EEF1AKMT2: variants seen among roughly 807,000 people sequenced by gnomAD.
The protein encoded by EEF1AKMT2 is eukaryotic translation elongation factor 1 alpha lysine methyltransferase 2.
Under a neutral mutation model 35.8 loss-of-function variants are expected in EEF1AKMT2, and 32 were observed. That is an observed-to-expected ratio of 0.89 (90% CI 0.67 to 1.20). EEF1AKMT2 has a LOEUF of 1.20. Among genes scored for constraint, EEF1AKMT2 ranks in the 50% most tolerant of loss-of-function variants. The pLI, the probability that EEF1AKMT2 is intolerant of heterozygous loss-of-function variation, is 0.00. For missense variants in EEF1AKMT2, 330 were observed against 347.5 expected (o/e 0.95, Z 0.40); for synonymous variants, 121 against 133.7 (o/e 0.91, Z 0.65).
rs1343665493 is a variant in EEF1AKMT2, at chr10:124,791,767, C to T, written c.67G>A (p.Gly23Arg). 1.8e-5 allele frequency: 28 copies of T among 1,595,722 alleles called. No homozygotes were observed. The highest frequency in any genetic ancestry group is 2.2e-5 in the Non-Finnish European group (26 of 1,175,414). ...VAARSDKGSP[G>R]EDGFVPSALG... ...GCCGACGGGACGAAACCGTCCTCCC[C>T]GGGACTGCCCTTGTCCGACCGCGCC... is the stretch of plus-strand genomic sequence containing the variant. Residue 23 changes from glycine to arginine, a missense_variant, in exon 1 of 7, where the codon GGG becomes AGG. Gly to Arg is a moderately radical substitution (Grantham distance 125, BLOSUM62 -2). Coordinates refer to ENST00000368836, the MANE Select transcript of EEF1AKMT2 (RefSeq NM_212554.4).
chr10:124,786,585 A>G (rs1950586334), intron 3 of EEF1AKMT2, among the ~76,000 whole-genome samples: 1 of 151,928 alleles, frequency 6.6e-6, no homozygotes, highest in South Asian at 2.1e-4. Context: ...TGAGGCAGGC[A>G]GATGGATTAC....
At chr10:124,771,539 G>A (rs527932094) in intron 4 of EEF1AKMT2, among the ~76,000 whole-genome samples, 42 of 151,994 alleles carry the variant, frequency 2.8e-4, no homozygotes, top group Non-Finnish European at 4.6e-4. Flanking sequence ...GATCCATCAC[G>A]GGCTACAGAA....
At position 124,788,710 on chromosome 10, in the gene EEF1AKMT2, TTATATA is replaced by T. The variant is rs146577563; in HGVS notation, c.291+327_291+332del. ...CTACTGGAATTGCAAAAGGTCATCT[TTATATA>T]TATATATATATATGCATTTCTAGAG... On this transcript the variant is annotated intron_variant, in intron 3 of 6. Coordinates refer to ENST00000368836, the MANE Select transcript of EEF1AKMT2 (RefSeq NM_212554.4). Among the ~76,000 whole-genome samples, 797 of 92,582 alleles carry T rather than the reference TTATATA, an allele frequency of 8.6e-3. 74 individuals are homozygous for T. The highest frequency in any genetic ancestry group is 0.064 in the Admixed American group (524 of 8,204). 60.7% of individuals were successfully genotyped at this position (92,582 alleles called of 152,430 possible). A position where few individuals can be genotyped will look rare whatever the true frequency, so the allele number is the denominator to read the frequency against.
Position 124,788,710 on chromosome 10 carries a change from T to TTATATATATATATATA in EEF1AKMT2, c.291+317_291+332dup, listed in dbSNP as rs146577563. Among the ~76,000 whole-genome samples, 875 of 92,520 alleles carry TTATATATATATATATA rather than the reference T, an allele frequency of 9.5e-3. 80 individuals carry two copies. The highest frequency in any genetic ancestry group is 0.015 in the Non-Finnish European group (602 of 41,412). 60.7% of individuals were successfully genotyped at this position (92,520 alleles called of 152,430 possible). ...CTACTGGAATTGCAAAAGGTCATCT[T>TTATATATATATATATA]TATATATATATATATATATGCATTT... On this transcript the variant is annotated intron_variant, in intron 3 of 6. Transcript: ENST00000368836.
intron 3 of EEF1AKMT2, among the ~76,000 whole-genome samples, chr10:124,778,344 C>T (rs1168049384): frequency 6.6e-6 from 1 of 152,056 alleles, no homozygotes; most frequent in Non-Finnish European, 1.5e-5. Flanking sequence ...GGACCCAAGC[C>T]TCAGATTCAA....
intron 3 of EEF1AKMT2, among the ~76,000 whole-genome samples, chr10:124,775,424 G>A (rs536177234): frequency 2.6e-4 from 40 of 152,188 alleles, no homozygotes; most frequent in African/African-American, 8.9e-4. Flanking sequence ...ACCCATCTAG[G>A]CTGTGTAGTG....
chr10:124,771,162 A>C (rs1022302265), intron 4 of EEF1AKMT2, among the ~76,000 whole-genome samples: 3 of 151,196 alleles, frequency 2.0e-5, no homozygotes, highest in Non-Finnish European at 4.4e-5. Flanking sequence ...TGCAGCGGCT[A>C]GATCTCAGCT....
chr10:124,778,881 T>C (rs1053106608), intron 3 of EEF1AKMT2, among the ~76,000 whole-genome samples: 9 of 151,662 alleles, frequency 5.9e-5, no homozygotes, highest in South Asian at 2.1e-4. Context: ...AAAAGAAAAA[T>C]AGTAACCTAA....
At chr10:124,773,712 C>T (rs1274244358) in intron 4 of EEF1AKMT2, among the ~76,000 whole-genome samples, 1 of 152,080 alleles carries the variant, frequency 6.6e-6, no homozygotes, top group African/African-American at 2.4e-5. Context: ...AAAACAATTA[C>T]AATAGTAATA....
At position 124,774,778 on chromosome 10, in the gene EEF1AKMT2, T is replaced by A; in HGVS notation, c.296A>T (p.Lys99Ile). Residue 99 changes from lysine (K) to isoleucine (I), a missense_variant, in exon 4 of 7, where the codon AAA (lysine) becomes ATA (isoleucine). By Grantham distance (102) the Lys-to-Ile change is moderately radical (BLOSUM62 -3). Transcript: ENST00000368836. ...TCCAGTAATATTAGAGAAACCAAAT[T>A]TTGCCTAGAGAGAAATAATTTTATA... ...GNGVFLVELAKFGFSNITGID... is the reference protein window; with the variant it reads ...GNGVFLVELAIFGFSNITGID... 1 of 1,427,496 alleles carries A rather than the reference T, an allele frequency of 7.0e-7. No homozygotes were observed. The highest frequency in any genetic ancestry group is 9.3e-7 in the Non-Finnish European group (1 of 1,081,016). 88.4% of individuals were successfully genotyped at this position (1,427,496 alleles called of 1,614,324 possible).
chr10:124,765,287 C>T (rs1950368781), intron 5 of EEF1AKMT2, 105 bp downstream of exon 5: 1 of 943,730 alleles, frequency 1.1e-6, no homozygotes, highest in Admixed American at 2.3e-5. Context: ...AGGCAATTCC[C>T]ACAAATAGAA....
intron 3 of EEF1AKMT2, among the ~76,000 whole-genome samples, chr10:124,778,732 A>AG (rs1950510417): frequency 6.6e-6 from 1 of 151,858 alleles, no homozygotes; most frequent in Non-Finnish European, 1.5e-5. Context: ...CAAAAAAAAA[A>AG]AAAAAGAAAA....
intron 4 of EEF1AKMT2, among the ~76,000 whole-genome samples, chr10:124,771,130 T>C (rs538982524): frequency 1.8e-4 from 28 of 151,976 alleles, no homozygotes; most frequent in East Asian, 1.2e-3. Flanking sequence ...GACAGAGTCT[T>C]GCTCTGTCGC....
At chr10:124,762,180 C>A (rs1437622126) in intron 6 of EEF1AKMT2, 120 bp downstream of exon 6, 1 of 798,678 alleles carries the variant, frequency 1.3e-6, no homozygotes, top group Non-Finnish European at 1.6e-6. Context: ...CCCACGCCAT[C>A]AAATTCACTG....
At chr10:124,787,516 A>G (rs866855686) in intron 3 of EEF1AKMT2, among the ~76,000 whole-genome samples, 95 of 151,866 alleles carry the variant, frequency 6.3e-4, no homozygotes, top group African/African-American at 2.2e-3. Context: ...CTTCAAAAAC[A>G]GGCAAATTAA....
At chr10:124,782,530 C>T (rs1294025440) in intron 3 of EEF1AKMT2, among the ~76,000 whole-genome samples, 12 of 143,706 alleles carry the variant, frequency 8.4e-5, no homozygotes, top group African/African-American at 2.6e-4. Flanking sequence ...TGCAGTGAGC[C>T]GAGATCGCGC....
chr10:124,783,043 C>CT, intron 3 of EEF1AKMT2: 1 of 351,380 alleles, frequency 2.8e-6, no homozygotes, highest in Non-Finnish European at 5.5e-6. Flanking sequence ...CATGTAAAAA[C>CT]TAAACAAAAA....
At chr10:124,780,636 T>C (rs1439924604) in intron 3 of EEF1AKMT2, among the ~76,000 whole-genome samples, 3 of 151,664 alleles carry the variant, frequency 2.0e-5, no homozygotes, top group Non-Finnish European at 4.4e-5. Context: ...TGACATTTCA[T>C]GTGTATAGAC....
At chr10:124,760,922 T>C (rs556921077) in intron 6 of EEF1AKMT2, among the ~76,000 whole-genome samples, 1 of 152,340 alleles carries the variant, frequency 6.6e-6, no homozygotes, top group South Asian at 2.1e-4. Context: ...GAGGCTGGAG[T>C]GCAGTGGCAC....
Sources: allele counts gnomAD v4.1 joint callset (sites outside exome capture counted in the v4.1 genomes callset), GRCh38; gene constraint gnomAD v4.1.1; transcripts MANE v1.5; gene names NCBI Gene and HGNC (gene_info 2026-07-23, HGNC 2026-07-21).